ZDHHC5: variants seen among roughly 807,000 people sequenced by gnomAD.
The protein encoded by ZDHHC5 is zDHHC palmitoyltransferase 5, also known as palmitoyltransferase ZDHHC5.
A neutral mutation model predicts 70.0 loss-of-function variants in ZDHHC5; 22 were observed. The ratio of observed to expected loss-of-function variants is 0.31; its 90% confidence interval spans 0.22 to 0.45. The LOEUF is 0.45. Among genes scored for constraint, ZDHHC5 ranks in the 20% least tolerant of loss-of-function variants. ZDHHC5 has a pLI of 1.00. For missense variants in ZDHHC5, 746 were observed against 926.9 expected, an observed-to-expected ratio of 0.80 and a Z score of 2.53; for synonymous variants, 313 against 347.8, an observed-to-expected ratio of 0.90 and a Z score of 1.11.
chr11:57,670,213 C>T (rs1228528831), intron 1 of ZDHHC5, among the ~76,000 whole-genome samples: 1 of 152,176 alleles, frequency 6.6e-6, no homozygotes, highest in African/African-American at 2.4e-5. Flanking sequence ...GAGTGTCTCA[C>T]ACCTGTAATC....
At chr11:57,674,188 C>T (rs569289262) in intron 2 of ZDHHC5, among the ~76,000 whole-genome samples, 1 of 152,224 alleles carries the variant, frequency 6.6e-6, no homozygotes, top group East Asian at 1.9e-4. Flanking sequence ...TTGGGAAAAG[C>T]AGTTGGTATG....
At chr11:57,689,845 C>T (rs904261903) in intron 4 of ZDHHC5, among the ~76,000 whole-genome samples, 186 bp from the exon 5 acceptor site, 4 of 152,146 alleles carry the variant, frequency 2.6e-5, no homozygotes, top group Admixed American at 6.5e-5. Context: ...CCTGGTTGGC[C>T]TTGGCCTTTG....
At chr11:57,669,066 T>G (rs1340515647) in intron 1 of ZDHHC5, among the ~76,000 whole-genome samples, 1 of 152,236 alleles carries the variant, frequency 6.6e-6, no homozygotes, top group Non-Finnish European at 1.5e-5. Flanking sequence ...ACCTCTGTCC[T>G]GGATCAAATA....
chr11:57,689,367 T>TTATA (rs1350296217), intron 4 of ZDHHC5, among the ~76,000 whole-genome samples: 3 of 150,974 alleles, frequency 2.0e-5, no homozygotes, highest in South Asian at 2.1e-4. Context: ...TTGGTCTTTT[T>TTATA]TATATATATA....
intron 4 of ZDHHC5, among the ~76,000 whole-genome samples, chr11:57,689,106 A>T (rs1201475013): frequency 6.6e-6 from 1 of 151,962 alleles, no homozygotes; most frequent in Non-Finnish European, 1.5e-5. Context: ...TTGGTTATTT[A>T]TCCTGGCTTT....
intron 7 of ZDHHC5, 128 bp downstream of exon 7, chr11:57,692,830 AC>A: frequency 2.3e-6 from 2 of 866,402 alleles, no homozygotes; most frequent in Non-Finnish European, 3.5e-6. Flanking sequence ...AATGTTAAGT[AC>A]CCACTCTATC....
At chr11:57,692,793 G>T (rs1414356351) in intron 7 of ZDHHC5, 91 bp downstream of exon 7, 8 of 1,320,666 alleles carry the variant, frequency 6.1e-6, no homozygotes, top group Non-Finnish European at 5.3e-6. Context: ...TCTGGTGAGA[G>T]CCTTTAGGAA....
chr11:57,678,421 A>T (rs1197466746), intron 2 of ZDHHC5, among the ~76,000 whole-genome samples: 3 of 151,938 alleles, frequency 2.0e-5, no homozygotes, highest in Non-Finnish European at 2.9e-5. Context: ...ATACAAAAAA[A>T]TTAGCCAGGC....
At chr11:57,689,677 ATTTTTTTTTT>A (rs10561191) in intron 4 of ZDHHC5, among the ~76,000 whole-genome samples, 1 of 135,542 alleles carries the variant, frequency 7.4e-6, no homozygotes, top group Non-Finnish European at 1.6e-5. Flanking sequence ...CGCCCGGCCA[ATTTTTTTTTT>A]TTTTTTTTTT....
In ZDHHC5 at chr11:57,699,001, G is replaced by A; in HGVS notation, c.1565G>A (p.Gly522Asp). ...AERHPRLVPT[G>D]PTHREPSPVR... ...AGGCACCCACGTTTGGTGCCAACTG[G>A]CCCAACACACCGAGAGCCCTCACCA... The change falls in exon 11 of 12, where the codon GGC becomes GAC. Residue 522 changes from glycine to aspartate, a missense_variant. By Grantham distance (94) the Gly-to-Asp change is moderately conservative. Around this residue, in one of 6 missense-constraint regions of ZDHHC5, gnomAD observed 340 missense variants for 350.1 expected, o/e 0.97. Coordinates refer to ENST00000287169, the MANE Select transcript of ZDHHC5 (RefSeq NM_015457.3). 1.2e-6 allele frequency: 2 copies of A among 1,609,454 alleles called. No homozygotes were observed. The highest frequency in any genetic ancestry group is 2.2e-5 in the South Asian group (2 of 91,064).
chr11:57,698,181 A>T (rs776354240), intron 10 of ZDHHC5, among the ~76,000 whole-genome samples: 13 of 151,664 alleles, frequency 8.6e-5, no homozygotes, highest in Middle Eastern at 6.8e-3. Context: ...GAAAAAAAGA[A>T]GATTAGGGGA....
At chr11:57,690,263 G>GA in intron 5 of ZDHHC5, 60 bp downstream of exon 5, 1 of 1,613,552 alleles carries the variant, frequency 6.2e-7, no homozygotes, top group Non-Finnish European at 8.5e-7. Context: ...GGGCTAAAGG[G>GA]AAAATGGCTG....
At chr11:57,671,159 C>A (rs1383656770) in intron 1 of ZDHHC5, among the ~76,000 whole-genome samples, 1 of 152,082 alleles carries the variant, frequency 6.6e-6, no homozygotes, top group Non-Finnish European at 1.5e-5. Flanking sequence ...AGTGGAATGT[C>A]CTCGGGCATT....
intron 2 of ZDHHC5, chr11:57,681,361 G>C (rs1332612909): frequency 6.6e-6 from 1 of 152,220 alleles, no homozygotes; most frequent in Non-Finnish European, 1.5e-5. Context: ...GACTGGTTCA[G>C]ATAAAGGGGA....
At chr11:57,698,476 CTT>C in intron 10 of ZDHHC5, 81 bp from the exon 11 acceptor site, 5 of 1,508,110 alleles carry the variant, frequency 3.3e-6, no homozygotes, top group Non-Finnish European at 4.4e-6. Context: ...ACATAATTCT[CTT>C]TTTGACCAAC....
At chr11:57,682,701 G>A (rs534794328) in intron 3 of ZDHHC5, among the ~76,000 whole-genome samples, 158 bp downstream of exon 3, 7 of 152,134 alleles carry the variant, frequency 4.6e-5, no homozygotes, top group Non-Finnish European at 1.0e-4. Context: ...CTTAAAGTCC[G>A]GGGATTTTGG....
rs773251350 is a variant in ZDHHC5, at chr11:57,699,355, A to C, written c.1919A>C (p.Gln640Pro). 65 of 1,608,310 alleles carry C rather than the reference A, an allele frequency of 4.0e-5. No homozygotes were observed. Among genetic ancestry groups the C allele is most frequent in the Non-Finnish European group, 5.5e-5 (65 of 1,176,968 alleles). ...YLGRSMSYSS[Q>P]KAQPGVSETE... ...GGCCGATCGATGTCTTACAGCAGCC[A>C]AAAAGCCCAACCTGGTGTCTCTGAG... is the stretch of plus-strand genomic sequence containing the variant. Residue 640 changes from glutamine (Q) to proline (P), a missense_variant, in exon 11 of 12, where the codon CAA becomes CCA. This residue lies in a region of ZDHHC5 where 340 missense variants were observed against 350.1 expected (regional missense o/e 0.97). Transcript: ENST00000287169.
rs1458820662 is a variant in ZDHHC5 at position 57,672,035 on chromosome 11, C to T, written c.-1056C>T. 2.6e-6 allele frequency: 1 copy of T among 389,434 alleles called. No individual in the cohort carries two copies. The highest frequency in any genetic ancestry group is 3.6e-5 in the East Asian group (1 of 27,470). The allele number at this position is 389,434 out of a possible 1,614,324, so 24.1% of individuals were successfully genotyped here. A position where few individuals can be genotyped will look rare whatever the true frequency, so the allele number is the denominator to read the frequency against. On this transcript the variant is annotated 5_prime_UTR_variant, in exon 2 of 12. Coordinates refer to ENST00000287169, the MANE Select transcript of ZDHHC5 (RefSeq NM_015457.3). ...TTTTTCTCCAGGTGAGACACAGTAA[C>T]CTGGTTGAACTCTGCATCTGGAAAG... is the stretch of plus-strand genomic sequence containing the variant.
intron 5 of ZDHHC5, 47 bp from the exon 6 acceptor site, chr11:57,690,288 G>A: frequency 6.2e-7 from 1 of 1,613,824 alleles, no homozygotes; most frequent in East Asian, 2.2e-5. Context: ...AGGGGCCGGG[G>A]AAAGTGAGGT....
Sources: gnomAD v4.1 joint callset for allele counts (sites outside exome capture counted in the v4.1 genomes callset) on GRCh38, gnomAD v4.1.1 for gene constraint, gnomAD v4.1.1 regional missense constraint, MANE v1.5 for transcripts, NCBI Gene and HGNC (gene_info 2026-07-23, HGNC 2026-07-21) for gene names.